ABCC12: variants seen among roughly 807,000 people sequenced by gnomAD.
The protein encoded by ABCC12 is ATP-binding cassette sub-family C member 12.
ABCC12 carries 142 observed loss-of-function variants against 151.1 expected under a neutral mutation model. That is an observed-to-expected ratio of 0.94 (90% CI 0.82 to 1.08). ABCC12 has a LOEUF of 1.08. Among genes scored for constraint, ABCC12 ranks in the 50% least tolerant of loss-of-function variants. ABCC12 has a pLI of 0.00. For missense variants in ABCC12, 1,638 were observed against 1,691.1 expected (o/e 0.97, Z 0.55); for synonymous variants, 645 against 646.4 (o/e 1.00, Z 0.03).
chr16:48,124,095 C>A, intron 12 of ABCC12, 118 bp downstream of exon 12: 1 of 1,108,674 alleles, frequency 9.0e-7, no homozygotes, highest in Non-Finnish European at 1.4e-6. Context: ...TATTGTGAAC[C>A]ACATGCACAG....
Position 48,141,327 on chromosome 16 carries a change from A to G in ABCC12, c.302T>C (p.Val101Ala). Residue 101 changes from valine to alanine, a missense_variant, in exon 5 of 31, where the codon GTA (valine) becomes GCA (alanine). Val to Ala is a moderately conservative substitution (Grantham distance 64). Transcript: ENST00000311303. Reference protein sequence around the residue: ...KRFRVLWDEEVARVGPEKASL... With the variant: ...KRFRVLWDEEAARVGPEKASL... Reference sequence around the variant, plus strand: ...GGCCTTCTCAGGACCCACCCTTGCTACCTCTTCATCCCAAAGGACTCGAAA... The same window carrying G: ...GGCCTTCTCAGGACCCACCCTTGCTGCCTCTTCATCCCAAAGGACTCGAAA... 9 of 1,614,154 alleles carry G rather than the reference A, an allele frequency of 5.6e-6. No individual in the cohort carries two copies. Among genetic ancestry groups the G allele is most frequent in the Non-Finnish European group, 7.6e-6 (9 of 1,180,024 alleles).
chr16:48,141,472 GCCTTC>G, intron 4 of ABCC12, 119 bp from the exon 5 acceptor site: 1 of 1,344,050 alleles, frequency 7.4e-7, no homozygotes, highest in Middle Eastern at 2.0e-4. Flanking sequence ...TGGCAGTGGT[GCCTTC>G]CAGCACTGGC....
chr16:48,119,345 G>T (rs1369377015), intron 13 of ABCC12, among the ~76,000 whole-genome samples: 1 of 152,214 alleles, frequency 6.6e-6, no homozygotes, highest in Non-Finnish European at 1.5e-5. Flanking sequence ...AGCATCTTAA[G>T]GGCAAAGATA....
intron 12 of ABCC12, among the ~76,000 whole-genome samples, chr16:48,122,516 G>A (rs547382783): frequency 2.0e-5 from 3 of 152,298 alleles, no homozygotes; most frequent in South Asian, 2.1e-4. Context: ...GCATCCAATA[G>A]ACAATGGTAG....
intron 23 of ABCC12, among the ~76,000 whole-genome samples, chr16:48,099,425 T>TA: frequency 6.6e-6 from 1 of 152,240 alleles, no homozygotes; most frequent in South Asian, 2.1e-4. Context: ...TAAATAAATT[T>TA]AATGCAATTC....
At chr16:48,095,780 A>T (rs1353254231) in intron 24 of ABCC12, among the ~76,000 whole-genome samples, 1 of 152,204 alleles carries the variant, frequency 6.6e-6, no homozygotes, top group Non-Finnish European at 1.5e-5. Flanking sequence ...CAAGCTGATG[A>T]GAAATTGGAC....
At position 48,088,097 on chromosome 16, in the gene ABCC12, A is replaced by T. The variant is rs757103399; in HGVS notation, c.3476-12T>A. 6.2e-7 allele frequency: 1 copy of T among 1,611,844 alleles called. No homozygotes were observed. The highest frequency in any genetic ancestry group is 1.1e-5 in the South Asian group (1 of 90,840). On this transcript the variant is annotated splice_polypyrimidine_tract_variant and intron_variant, in intron 26 of 30. Coordinates refer to ENST00000311303, the MANE Select transcript of ABCC12 (RefSeq NM_001393797.1). The stretch of plus-strand genomic sequence containing the variant: ...TAACGATGACTTTCCTGGGAACCAT[A>T]AAAGTAAGAACAACAAATCAAACAT...
At position 48,104,276 on chromosome 16, in the gene ABCC12, C is replaced by T. The variant is rs759514805; in HGVS notation, c.2766G>A (p.Arg922=). 5.0e-6 allele frequency: 8 copies of T among 1,614,134 alleles called. No individual in the cohort carries two copies. The highest frequency in any genetic ancestry group is 1.3e-5 in the African/African-American group (1 of 74,950). ...GAAAGTTCTCTGCGTGAAACGGCAG[C>T]CTCACATCCAGCTCGTCCATATCCT... The part of the protein sequence containing the change: ...FSKDMDELDV[R]LPFHAENFLQ... The change falls in exon 22 of 31, where the codon AGG becomes AGA. Residue 922 remains arginine, a synonymous_variant. Coordinates refer to ENST00000311303, the MANE Select transcript of ABCC12 (RefSeq NM_001393797.1).
chr16:48,127,806 T>C lies in ABCC12; in HGVS notation c.1515+653A>G, dbSNP rs74420773. 3.9e-3 allele frequency among the ~76,000 whole-genome samples: 598 copies of C among 152,230 alleles called. 2 individuals carry two copies. Among genetic ancestry groups the C allele is most frequent in the African/African-American group, 0.014 (584 of 41,536 alleles). Reference sequence around the variant, plus strand: ...CAGGAGCAGTGGTTCATGCCTGTAATCTCAGCACTTGACCCAGGAGGCCAA... The same window carrying C: ...CAGGAGCAGTGGTTCATGCCTGTAACCTCAGCACTTGACCCAGGAGGCCAA... On this transcript the variant is annotated intron_variant, in intron 11 of 30. Coordinates refer to ENST00000311303, the MANE Select transcript of ABCC12 (RefSeq NM_001393797.1).
At chr16:48,108,589 AGGCAC>A (rs2150612918) in intron 18 of ABCC12, 60 bp from the exon 19 acceptor site, 1 of 1,401,036 alleles carries the variant, frequency 7.1e-7, no homozygotes, top group East Asian at 2.3e-5. Flanking sequence ...CCAGCGAGGT[AGGCAC>A]GGCCCCTCCA....
At chr16:48,084,186 A>C in intron 29 of ABCC12, 113 bp from the exon 30 acceptor site, 3 of 1,114,260 alleles carry the variant, frequency 2.7e-6, no homozygotes, top group Non-Finnish European at 3.8e-6. Context: ...CACAAGATGA[A>C]AAGTAATTAG....
In ABCC12 at chr16:48,141,263, G is replaced by T; in HGVS notation, c.366C>A (p.Arg122=). The T allele has an allele frequency of 6.2e-7, 1 of 1,614,200 alleles. No homozygotes were observed. Among genetic ancestry groups the T allele is most frequent in the South Asian group, 1.1e-5 (1 of 91,086 alleles). Residue 122 remains arginine (R), a synonymous_variant, in exon 5 of 31, where the codon CGC becomes CGA. Transcript: ENST00000311303. Reference sequence around the variant, plus strand: ...TGTTGGCCACGATGTCCATCAACACGCGTGTCCTCTGGAATTTCCACACCA... The same window carrying T: ...TGTTGGCCACGATGTCCATCAACACTCGTGTCCTCTGGAATTTCCACACCA... ...SHVVWKFQRT[R]VLMDIVANIL...
Position 48,104,483 on chromosome 16 carries a change from C to T in ABCC12, c.2674-115G>A. Reference sequence around the variant, plus strand: ...GCCTGACCTTTTTTCCAGGGCACAACACAGTGTGTCAGGTGATCTTGGGAA... The same window carrying T: ...GCCTGACCTTTTTTCCAGGGCACAATACAGTGTGTCAGGTGATCTTGGGAA... On this transcript the variant is annotated intron_variant, in intron 21 of 30. Transcript: ENST00000311303. The T allele has an allele frequency of 4.6e-6, 4 of 871,002 alleles. No homozygotes were observed. The South Asian group carries it at 4.8e-5, about 10-fold the overall frequency. The allele number at this position is 871,002 out of a possible 1,614,324, so 54.0% of individuals were successfully genotyped here. A position where few individuals can be genotyped will look rare whatever the true frequency, so the allele number is the denominator to read the frequency against.
chr16:48,086,010 T>C (rs1031585493), intron 28 of ABCC12, among the ~76,000 whole-genome samples: 11 of 152,190 alleles, frequency 7.2e-5, no homozygotes, highest in Non-Finnish European at 1.3e-4. Context: ...AACAGCTTTC[T>C]GGATTGCTGT....
At chr16:48,100,818 C>G in intron 23 of ABCC12, 54 bp downstream of exon 23, 2 of 1,587,484 alleles carry the variant, frequency 1.3e-6, no homozygotes, top group Non-Finnish European at 1.7e-6. Flanking sequence ...CACTCCCCAT[C>G]GGAGTCAGGC....
intron 11 of ABCC12, among the ~76,000 whole-genome samples, chr16:48,125,904 G>A (rs1288218180): frequency 6.6e-6 from 1 of 152,202 alleles, no homozygotes. Context: ...GAGCCCACAT[G>A]GATGTAAATT....
At chr16:48,153,553 C>A (rs1965143851) in intron 2 of ABCC12, 63 bp downstream of exon 2, 1 of 152,228 alleles carries the variant, frequency 6.6e-6, no homozygotes, top group Admixed American at 6.5e-5. Context: ...CCTCTCTCAT[C>A]CAGGCTAATC....
intron 9 of ABCC12, 66 bp from the exon 10 acceptor site, chr16:48,130,961 C>T: frequency 9.0e-7 from 1 of 1,111,852 alleles, no homozygotes; most frequent in Non-Finnish European, 1.3e-6. Flanking sequence ...AACCGTTATA[C>T]ACATGGGGTT....
intron 11 of ABCC12, 102 bp downstream of exon 11, chr16:48,128,357 C>T: frequency 6.7e-7 from 1 of 1,502,350 alleles, no homozygotes; most frequent in South Asian, 1.3e-5. Flanking sequence ...CATCCCATCA[C>T]CACCTTCAGC....
Sources: gnomAD v4.1 joint callset for allele counts (sites outside exome capture counted in the v4.1 genomes callset) on GRCh38, gnomAD v4.1.1 for gene constraint, MANE v1.5 for transcripts, NCBI Gene and HGNC (gene_info 2026-07-23, HGNC 2026-07-21) for gene names.